Variants in CADPS2 observed in about 807,000 individuals in gnomAD.
The protein encoded by CADPS2 is calcium-dependent secretion activator 2.
Under a neutral mutation model 172.5 loss-of-function variants are expected in CADPS2, and 93 were observed. The observed-to-expected ratio is 0.54, with a 90% CI of 0.46 to 0.64. The LOEUF is 0.64. Ranked by LOEUF, CADPS2 falls within the 30% of genes least tolerant of loss-of-function variation. CADPS2 has a pLI of 0.00. For synonymous variants in CADPS2, 546 were observed against 555.2 expected, an observed-to-expected ratio of 0.98 and a Z score of 0.23; for missense variants, 1,420 against 1,565.9, an observed-to-expected ratio of 0.91 and a Z score of 1.57.
At chr7:122,570,929 T>C (rs1414951336) in intron 7 of CADPS2, among the ~76,000 whole-genome samples, 2 of 152,034 alleles carry the variant, frequency 1.3e-5, no homozygotes, top group Non-Finnish European at 2.9e-5. Context: ...ATATACCTAA[T>C]GCTAAGTGAC....
intron 14 of CADPS2, among the ~76,000 whole-genome samples, chr7:122,453,546 A>G (rs1016733830): frequency 6.6e-6 from 1 of 152,226 alleles, no homozygotes; most frequent in African/African-American, 2.4e-5. Flanking sequence ...CTCATACCAT[A>G]AAGTTATGGG....
chr7:122,695,371 C>T (rs1219668634), intron 2 of CADPS2, among the ~76,000 whole-genome samples: 1 of 152,130 alleles, frequency 6.6e-6, no homozygotes, highest in Admixed American at 6.5e-5. Context: ...GTTTGCATCA[C>T]TAGGTACAAG....
chr7:122,663,316 T>C lies in CADPS2; in HGVS notation c.707A>G (p.Lys236Arg). 6.2e-7 allele frequency: 1 copy of C among 1,613,990 alleles called. No individual in the cohort carries two copies. Among genetic ancestry groups the C allele is most frequent in the South Asian group, 1.1e-5 (1 of 91,084 alleles). Residue 236 changes from lysine to arginine, a missense_variant, in exon 3 of 30, where the codon AAG becomes AGG. Coordinates refer to ENST00000449022, the MANE Select transcript of CADPS2 (RefSeq NM_017954.11). ...LSAVSELILS[K>R]EQLYEMFQQI... ...CTGAAACATTTCATAGAGTTGTTCC[T>C]TGCTCAGAATAAGTTCAGACACTGC...
At chr7:122,741,874 C>G (rs974541875) in intron 1 of CADPS2, among the ~76,000 whole-genome samples, 2 of 152,100 alleles carry the variant, frequency 1.3e-5, no homozygotes, top group Non-Finnish European at 2.9e-5. Flanking sequence ...CACAGCAGTT[C>G]AAGACTTTGA....
At chr7:122,842,416 G>C (rs1371595577) in intron 1 of CADPS2, among the ~76,000 whole-genome samples, 2 of 152,150 alleles carry the variant, frequency 1.3e-5, no homozygotes, top group Non-Finnish European at 2.9e-5. Flanking sequence ...CTGTGTTCTT[G>C]CCAGTTTCAA....
intron 28 of CADPS2, among the ~76,000 whole-genome samples, chr7:122,326,551 T>G (rs983855665): frequency 5.3e-5 from 8 of 152,082 alleles, no homozygotes; most frequent in Admixed American, 4.6e-4. Flanking sequence ...ACTCAGCATT[T>G]AGAAAATGAC....
chr7:122,643,541 A>G (rs2077932237), intron 3 of CADPS2, among the ~76,000 whole-genome samples: 1 of 152,216 alleles, frequency 6.6e-6, no homozygotes, highest in Non-Finnish European at 1.5e-5. Flanking sequence ...ACTGAAGGCC[A>G]GGTCTTTGCT....
intron 1 of CADPS2, among the ~76,000 whole-genome samples, chr7:122,782,725 G>A (rs1793064288): frequency 6.6e-6 from 1 of 152,022 alleles, no homozygotes; most frequent in African/African-American, 2.4e-5. Context: ...GAAAGTATTT[G>A]GTCATCTGAA....
intron 6 of CADPS2, among the ~76,000 whole-genome samples, chr7:122,599,340 C>G (rs1412094701): frequency 6.6e-6 from 1 of 151,950 alleles, no homozygotes; most frequent in Non-Finnish European, 1.5e-5. Context: ...ATAAACCTAG[C>G]AAGGGCTCAA....
intron 1 of CADPS2, among the ~76,000 whole-genome samples, chr7:122,839,233 C>A (rs1303838565): frequency 6.6e-5 from 10 of 152,004 alleles, no homozygotes; most frequent in East Asian, 3.9e-4. Context: ...CTTATGTAGA[C>A]AGCTGAAACT....
At chr7:122,709,747 G>A (rs964378669) in intron 2 of CADPS2, among the ~76,000 whole-genome samples, 9 of 152,130 alleles carry the variant, frequency 5.9e-5, no homozygotes, top group African/African-American at 1.9e-4. Flanking sequence ...ATGAGTTCAC[G>A]TCCTTTGTAG....
chr7:122,790,721 C>T (rs975079444), intron 1 of CADPS2, among the ~76,000 whole-genome samples: 8 of 152,068 alleles, frequency 5.3e-5, no homozygotes, highest in Non-Finnish European at 1.2e-4. Flanking sequence ...CTCATGAATA[C>T]CATCCAGGTC....
intron 15 of CADPS2, among the ~76,000 whole-genome samples, chr7:122,450,694 C>T: frequency 6.6e-6 from 1 of 151,700 alleles, no homozygotes; most frequent in East Asian, 1.9e-4. Flanking sequence ...CCATGTCTGG[C>T]TGGTTAAGTT....
chr7:122,429,343 A>G (rs963322904), intron 17 of CADPS2, among the ~76,000 whole-genome samples: 10 of 148,778 alleles, frequency 6.7e-5, no homozygotes, highest in African/African-American at 2.5e-4. Context: ...CACATACTAG[A>G]TCAGTATAGC....
chr7:122,484,217 T>A (rs1010658834), intron 11 of CADPS2, among the ~76,000 whole-genome samples: 5 of 152,170 alleles, frequency 3.3e-5, no homozygotes, highest in Non-Finnish European at 5.9e-5. Flanking sequence ...GCCAAAATAC[T>A]TTTGAATAAG....
chr7:122,513,394 G>T, intron 8 of CADPS2, 79 bp from the exon 9 acceptor site: 1 of 1,197,752 alleles, frequency 8.3e-7, no homozygotes, highest in South Asian at 1.4e-5. Flanking sequence ...TCTTCCATAG[G>T]TATTTATTTT....
chr7:122,597,208 T>C (rs2071953744), intron 6 of CADPS2, among the ~76,000 whole-genome samples: 1 of 152,126 alleles, frequency 6.6e-6, no homozygotes, highest in African/African-American at 2.4e-5. Context: ...ACTATCATCA[T>C]ACGTCAGTTA....
intron 14 of CADPS2, among the ~76,000 whole-genome samples, chr7:122,458,327 A>C (rs1443799981): frequency 6.6e-6 from 1 of 152,206 alleles, no homozygotes; most frequent in African/African-American, 2.4e-5. Context: ...GATGAGGAAG[A>C]AAACAATAAT....
chr7:122,581,439 A>G lies in CADPS2; in HGVS notation c.1224-149T>C, dbSNP rs1172398983. ...GCTTTTGTTTCTAGCAGATGGCACA[A>G]TCAAGAAGGAAAAGAACAATAAGCT... is the stretch of plus-strand genomic sequence containing the variant. On this transcript the variant is annotated intron_variant, in intron 6 of 29. Transcript: ENST00000449022. 34 of 618,524 alleles carry G rather than the reference A, an allele frequency of 5.5e-5. No homozygotes were observed. In the East Asian group the frequency reaches 9.4e-4, roughly 17 times the overall value. The allele number at this position is 618,524 out of a possible 1,614,324, so 38.3% of individuals were successfully genotyped here. A position where few individuals can be genotyped will look rare whatever the true frequency, so the allele number is the denominator to read the frequency against.
Sources: gnomAD v4.1 joint callset for allele counts (sites outside exome capture counted in the v4.1 genomes callset) on GRCh38, gnomAD v4.1.1 for gene constraint, MANE v1.5 for transcripts, NCBI Gene and HGNC (gene_info 2026-07-23, HGNC 2026-07-21) for gene names.